AFG1L: variants seen among roughly 807,000 people sequenced by gnomAD.
The protein encoded by AFG1L is AFG1-like ATPase.
In AFG1L, 53 loss-of-function variants were observed where a neutral mutation model predicts 62.2. The ratio of observed to expected loss-of-function variants is 0.85; its 90% CI spans 0.68 to 1.07. The LOEUF (loss-of-function observed/expected upper bound fraction) is 1.07, where lower values mean the gene tolerates loss of function less well. Ranked by LOEUF, AFG1L falls within the 50% of genes least tolerant of loss-of-function variation. The probability of loss-of-function intolerance (pLI) is 0.00; values close to 1 mark genes in which losing one functional copy is unlikely to be tolerated. For missense variants in AFG1L, 555 were observed against 590.5 expected, an observed-to-expected ratio of 0.94 and a Z score of 0.62; for synonymous variants, 228 against 210.3, an observed-to-expected ratio of 1.08 and a Z score of -0.73.
At position 108,323,859 on chromosome 6, in the gene AFG1L, A is replaced by G. The variant is rs1368172637; in HGVS notation, c.174A>G (p.Pro58=). ...YTVQTSESMT[P]TATSETYLKA... is the part of the protein sequence containing the mutation. The stretch of plus-strand genomic sequence containing the variant: ...TTCAGACATCCGAGAGCATGACCCC[A>G]ACTGCCACTTCAGAGACTTATTTGA... Residue 58 remains proline, a synonymous_variant, in exon 2 of 13, where the codon CCA becomes CCG. Coordinates refer to ENST00000368977, the MANE Select transcript of AFG1L (RefSeq NM_145315.5). The G allele has an allele frequency of 3.7e-6, 6 of 1,614,132 alleles. No individual in the cohort carries two copies. In the South Asian group the frequency reaches 5.5e-5, roughly 15 times the overall value.
chr6:108,360,477 G>A (rs905968033), intron 5 of AFG1L, among the ~76,000 whole-genome samples: 28 of 152,014 alleles, frequency 1.8e-4, no homozygotes, highest in African/African-American at 6.8e-4. Context: ...TAGCATTCTT[G>A]TATGTTAGAG....
intron 10 of AFG1L, among the ~76,000 whole-genome samples, chr6:108,483,682 C>T (rs1257284169): frequency 1.3e-5 from 2 of 152,072 alleles, no homozygotes; most frequent in Non-Finnish European, 2.9e-5. Flanking sequence ...GACAGGTGGC[C>T]AGGTGTGTTT....
intron 6 of AFG1L, among the ~76,000 whole-genome samples, chr6:108,382,083 C>T (rs1386752742): frequency 6.7e-6 from 1 of 150,094 alleles, no homozygotes; most frequent in Admixed American, 6.7e-5. Flanking sequence ...TCACTGCAAC[C>T]TCTGCCTGCC....
intron 8 of AFG1L, among the ~76,000 whole-genome samples, chr6:108,454,845 G>T (rs1018839531): frequency 1.5e-3 from 222 of 152,188 alleles, no homozygotes; most frequent in African/African-American, 5.1e-3. Flanking sequence ...TAGAGCTGGG[G>T]TTTCACCATG....
At chr6:108,421,270 A>G (rs1770576907) in intron 7 of AFG1L, among the ~76,000 whole-genome samples, 1 of 152,178 alleles carries the variant, frequency 6.6e-6, no homozygotes. Context: ...CAAAACTAAC[A>G]GAATCATTAT....
intron 1 of AFG1L, among the ~76,000 whole-genome samples, chr6:108,321,172 C>T (rs1002923444): frequency 1.2e-4 from 19 of 152,210 alleles, no homozygotes; most frequent in African/African-American, 4.1e-4. Flanking sequence ...CACATATCTA[C>T]CTGGCAACTA....
chr6:108,341,486 A>G (rs1266929411), intron 2 of AFG1L, among the ~76,000 whole-genome samples: 2 of 152,180 alleles, frequency 1.3e-5, no homozygotes, highest in Non-Finnish European at 2.9e-5. Flanking sequence ...ACACATGCAA[A>G]GGTGAGCAGT....
At chr6:108,307,715 G>C (rs957191292) in intron 1 of AFG1L, among the ~76,000 whole-genome samples, 1 of 152,110 alleles carries the variant, frequency 6.6e-6, no homozygotes, top group Non-Finnish European at 1.5e-5. Flanking sequence ...AGAATTGCTG[G>C]CTCATATTTT....
At chr6:108,427,553 GCTCTGT>G (rs1770878238) in intron 7 of AFG1L, among the ~76,000 whole-genome samples, 1 of 109,270 alleles carries the variant, frequency 9.2e-6, no homozygotes, top group African/African-American at 3.6e-5. Flanking sequence ...TTGGAGTCTT[GCTCTGT>G]CACCCAGGTT....
intron 1 of AFG1L, among the ~76,000 whole-genome samples, chr6:108,299,520 A>T (rs746633079): frequency 6.6e-6 from 1 of 152,210 alleles, no homozygotes; most frequent in Non-Finnish European, 1.5e-5. Flanking sequence ...GTTAAATTTG[A>T]GGCATTTATT....
chr6:108,382,694 A>G (rs995177187), intron 6 of AFG1L, among the ~76,000 whole-genome samples: 3 of 152,204 alleles, frequency 2.0e-5, no homozygotes, highest in Non-Finnish European at 2.9e-5. Flanking sequence ...CAGGGAAACT[A>G]TGGAGGCATT....
chr6:108,418,436 A>G (rs1770429187), intron 7 of AFG1L, among the ~76,000 whole-genome samples: 1 of 152,208 alleles, frequency 6.6e-6, no homozygotes, highest in African/African-American at 2.4e-5. Context: ...GCCCTGATCT[A>G]TATAATATAC....
chr6:108,326,765 G>T (rs1328635249), intron 2 of AFG1L, among the ~76,000 whole-genome samples: 1 of 152,170 alleles, frequency 6.6e-6, no homozygotes, highest in Non-Finnish European at 1.5e-5. Context: ...TTTGAGACCA[G>T]CCTGGCCAAC....
intron 6 of AFG1L, among the ~76,000 whole-genome samples, chr6:108,389,065 A>G (rs1780919622): frequency 6.6e-6 from 1 of 152,140 alleles, no homozygotes; most frequent in Non-Finnish European, 1.5e-5. Flanking sequence ...GTGCTCCTGT[A>G]TTGGGTGCAT....
chr6:108,427,386 T>G (rs2114704244), intron 7 of AFG1L, among the ~76,000 whole-genome samples: 1 of 152,336 alleles, frequency 6.6e-6, no homozygotes, highest in East Asian at 1.9e-4. Flanking sequence ...AAAACTAATC[T>G]GCTATTTTTG....
intron 8 of AFG1L, among the ~76,000 whole-genome samples, chr6:108,448,785 A>G (rs1771923661): frequency 6.6e-6 from 1 of 152,162 alleles, no homozygotes. Flanking sequence ...AACACTAACA[A>G]TGTCCAGAGT....
chr6:108,402,298 A>G (rs1781657480), intron 7 of AFG1L, among the ~76,000 whole-genome samples: 1 of 151,990 alleles, frequency 6.6e-6, no homozygotes, highest in Non-Finnish European at 1.5e-5. Flanking sequence ...CCCCGTCTCT[A>G]TTAAAGATAC....
At chr6:108,516,245 A>C (rs1390269080) in intron 11 of AFG1L, among the ~76,000 whole-genome samples, 4 of 152,228 alleles carry the variant, frequency 2.6e-5, no homozygotes, top group Non-Finnish European at 5.9e-5. Context: ...CAATGCAAAA[A>C]TCCTCAATAA....
chr6:108,328,331 A>G (rs1012129982), intron 2 of AFG1L, among the ~76,000 whole-genome samples: 4 of 152,160 alleles, frequency 2.6e-5, no homozygotes, highest in Non-Finnish European at 5.9e-5. Flanking sequence ...TGAGACTTGA[A>G]TTGCTTTCCT....
Sources: allele counts gnomAD v4.1 joint callset (sites outside exome capture counted in the v4.1 genomes callset), GRCh38; gene constraint gnomAD v4.1.1; transcripts MANE v1.5; gene names NCBI Gene and HGNC (gene_info 2026-07-23, HGNC 2026-07-21).